The following HOOK3 variants were observed in gnomAD, a reference collection of about 807,000 sequenced individuals.
HOOK3 encodes protein Hook homolog 3.
HOOK3 carries 24 observed loss-of-function variants against 116.3 expected under a neutral mutation model. That is an observed-to-expected ratio of 0.21 (90% CI 0.15 to 0.29). HOOK3 has a LOEUF of 0.29. Ranked by LOEUF, HOOK3 falls within the 10% of genes least tolerant of loss-of-function variation. The pLI is 1.00. For missense variants in HOOK3, 632 were observed against 830.2 expected, an observed-to-expected ratio of 0.76 and a Z score of 2.93; for synonymous variants, 275 against 283.0, an observed-to-expected ratio of 0.97 and a Z score of 0.28.
At chr8:42,909,990 G>A (rs1166551682) in intron 2 of HOOK3, among the ~76,000 whole-genome samples, 2 of 152,160 alleles carry the variant, frequency 1.3e-5, no homozygotes, top group African/African-American at 2.4e-5. Context: ...CTGTTAGGAG[G>A]AATACATTTT....
At chr8:42,984,409 A>G (rs1179340367) in intron 14 of HOOK3, among the ~76,000 whole-genome samples, 3 of 152,054 alleles carry the variant, frequency 2.0e-5, no homozygotes, top group African/African-American at 7.2e-5. Flanking sequence ...AAGGCGTGTT[A>G]AGGCAGCACC....
intron 14 of HOOK3, among the ~76,000 whole-genome samples, chr8:42,986,310 A>G (rs1396366777): frequency 6.6e-6 from 1 of 152,230 alleles, no homozygotes; most frequent in Admixed American, 6.5e-5. Context: ...ATTTAAGATC[A>G]TAGCATCATT....
chr8:43,028,821 T>C lies in HOOK3; in HGVS notation c.*10323T>C, dbSNP rs564494757. The C allele has an allele frequency of 7.5e-5, 15 of 199,112 alleles. No individual in the cohort carries two copies. The South Asian group carries it at 2.7e-3, about 35-fold the overall frequency. The allele number at this position is 199,112 out of a possible 1,614,324, so 12.3% of individuals were successfully genotyped here. A position where few individuals can be genotyped will look rare whatever the true frequency, so the allele number is the denominator to read the frequency against. ...TGAGTCAGCTTGGTGCTTACAATTA[T>C]TTTGTTAGGAAATCTTGATGCTTTC... On this transcript the variant is annotated 3_prime_UTR_variant, in exon 22 of 22. Coordinates refer to ENST00000307602, the MANE Select transcript of HOOK3 (RefSeq NM_032410.4).
intron 4 of HOOK3, among the ~76,000 whole-genome samples, chr8:42,941,014 C>T (rs907273496): frequency 3.3e-5 from 5 of 151,826 alleles, no homozygotes; most frequent in African/African-American, 1.2e-4. Flanking sequence ...GGCACGACCT[C>T]GGCTCACTGG....
At chr8:43,011,054 A>G (rs905264475) in intron 19 of HOOK3, among the ~76,000 whole-genome samples, 8 of 151,342 alleles carry the variant, frequency 5.3e-5, no homozygotes, top group African/African-American at 1.2e-4. Flanking sequence ...GTACAGTGGC[A>G]CGATCTTGGC....
chr8:42,991,187 C>A (rs1411785645), intron 15 of HOOK3, among the ~76,000 whole-genome samples: 3 of 152,146 alleles, frequency 2.0e-5, no homozygotes, highest in Non-Finnish European at 4.4e-5. Context: ...GTTTTGGTTA[C>A]TATAGCTCTG....
chr8:42,906,104 A>G, intron 1 of HOOK3, 69 bp from the exon 2 acceptor site: 2 of 807,758 alleles, frequency 2.5e-6, no homozygotes, highest in Non-Finnish European at 2.0e-6. Context: ...AAAAAAAAAA[A>G]AGGCCTAAGA....
chr8:42,926,356 G>T (rs954382576), intron 3 of HOOK3, among the ~76,000 whole-genome samples: 1 of 152,104 alleles, frequency 6.6e-6, no homozygotes, highest in African/African-American at 2.4e-5. Context: ...TGCAATCTTC[G>T]CTCACTGCAA....
At chr8:43,003,674 G>A (rs1027671326) in intron 17 of HOOK3, among the ~76,000 whole-genome samples, 4 of 152,198 alleles carry the variant, frequency 2.6e-5, no homozygotes, top group Non-Finnish European at 4.4e-5. Context: ...CTGGAGGCTA[G>A]AAGAACCAAG....
At chr8:42,951,669 C>T (rs1312916625) in intron 6 of HOOK3, among the ~76,000 whole-genome samples, 1 of 151,970 alleles carries the variant, frequency 6.6e-6, no homozygotes, top group Non-Finnish European at 1.5e-5. Flanking sequence ...AGGCCGGGTG[C>T]GGTGGCCTCA....
intron 2 of HOOK3, among the ~76,000 whole-genome samples, chr8:42,918,737 G>C (rs969935151): frequency 6.6e-6 from 1 of 152,202 alleles, no homozygotes; most frequent in Admixed American, 6.5e-5. Flanking sequence ...AGAGCAAGGG[G>C]TTGGGGGTAA....
At chr8:42,931,955 A>T (rs145616382) in intron 4 of HOOK3, among the ~76,000 whole-genome samples, 4 of 151,930 alleles carry the variant, frequency 2.6e-5, no homozygotes, top group African/African-American at 9.7e-5. Flanking sequence ...GGGTTTCACC[A>T]TATTGGCCAG....
chr8:43,011,536 C>T (rs1366128164), intron 19 of HOOK3, among the ~76,000 whole-genome samples: 4 of 151,904 alleles, frequency 2.6e-5, no homozygotes, highest in African/African-American at 9.7e-5. Flanking sequence ...GATTTTTATT[C>T]TACCCTTTCA....
intron 14 of HOOK3, among the ~76,000 whole-genome samples, chr8:42,984,329 T>C (rs1238782901): frequency 1.3e-5 from 2 of 150,662 alleles, no homozygotes; most frequent in Non-Finnish European, 3.0e-5. Context: ...GATCGCGCCA[T>C]TGCACTCCAG....
intron 6 of HOOK3, among the ~76,000 whole-genome samples, chr8:42,956,601 T>G (rs1331382852): frequency 2.0e-5 from 3 of 152,212 alleles, no homozygotes; most frequent in Non-Finnish European, 4.4e-5. Flanking sequence ...TGTTTTTTGT[T>G]TTGAGAGGAA....
At chr8:42,985,859 G>T (rs577068949) in intron 14 of HOOK3, among the ~76,000 whole-genome samples, 1 of 152,218 alleles carries the variant, frequency 6.6e-6, no homozygotes, top group East Asian at 1.9e-4. Context: ...GATTTATTGT[G>T]TTTACAAAAT....
At chr8:42,968,248 AG>A (rs374450339) in intron 11 of HOOK3, 34 bp downstream of exon 11, 17 of 1,486,534 alleles carry the variant, frequency 1.1e-5, no homozygotes, top group Middle Eastern at 3.5e-4. Context: ...TGATGGTTTC[AG>A]GCAAGCTCTC....
chr8:42,943,429 CTG>C lies in HOOK3; in HGVS notation c.387_388del (p.Cys129Ter). 1 of 1,483,678 alleles carries C rather than the reference CTG, an allele frequency of 6.7e-7. No homozygotes were observed. The highest frequency in any genetic ancestry group is 9.0e-7 in the Non-Finnish European group (1 of 1,111,938). 91.9% of individuals were successfully genotyped at this position (1,483,678 alleles called of 1,614,324 possible). On this transcript the variant is annotated frameshift_variant, in exon 5 of 22. Transcript: ENST00000307602. LOFTEE classifies it high-confidence loss of function. The stretch of plus-strand genomic sequence containing the variant: ...AGCTCATCTTAGGCTGTGCTGTGAA[CTG>C]TGAACAGAAGCAAGGTAATTTGTTT... ...LQLILGCAVN[C>X]EQKQEYIQAI...
chr8:42,935,582 G>T (rs1045037179), intron 4 of HOOK3, among the ~76,000 whole-genome samples: 1 of 152,138 alleles, frequency 6.6e-6, no homozygotes, highest in Non-Finnish European at 1.5e-5. Flanking sequence ...GTGTAAGGAA[G>T]GGGTCCAGTT....
Sources: gnomAD v4.1 joint callset for allele counts (sites outside exome capture counted in the v4.1 genomes callset) on GRCh38, gnomAD v4.1.1 for gene constraint, MANE v1.5 for transcripts, NCBI Gene and HGNC (gene_info 2026-07-23, HGNC 2026-07-21) for gene names.